The following F8 variants were observed in gnomAD, a reference collection of about 807,000 sequenced individuals.
F8 encodes the protein antihemophilic factor.
A neutral mutation model predicts 140.6 loss-of-function variants in F8; 12 were observed. The ratio of observed to expected loss-of-function variants is 0.09; its 90% CI spans 0.05 to 0.14. F8 has a LOEUF of 0.14. Among genes scored for constraint, F8 ranks in the 10% least tolerant of loss-of-function variants. The pLI, the probability that F8 is intolerant of heterozygous loss-of-function variation, is 1.00. For synonymous variants in F8, 585 were observed against 614.6 expected (o/e 0.95, Z 0.71); for missense variants, 1,354 against 1,720.7 (o/e 0.79, Z 3.77).
intron 14 of F8, among the ~76,000 whole-genome samples, chrX:154,923,374 G>A (rs1462238366): frequency 5.4e-5 from 6 of 111,563 alleles, no homozygotes; most frequent in Non-Finnish European, 7.5e-5. Flanking sequence ...AATCAACCCT[G>A]ACTATTTTTT....
chrX:154,926,338 C>T (rs1336762710), intron 14 of F8, among the ~76,000 whole-genome samples: 2 of 112,028 alleles, frequency 1.8e-5, no homozygotes, highest in African/African-American at 6.5e-5. Context: ...TGGAAAACTT[C>T]AAGATCTGTG....
At chrX:154,937,436 G>A (rs1422331508) in intron 13 of F8, among the ~76,000 whole-genome samples, 3 of 108,792 alleles carry the variant, frequency 2.8e-5, no homozygotes, top group Non-Finnish European at 3.8e-5. Context: ...GGGGAGGGGC[G>A]AGGGATATCA....
intron 6 of F8, among the ~76,000 whole-genome samples, chrX:154,970,638 A>G (rs1323322106): frequency 9.0e-6 from 1 of 111,126 alleles, no homozygotes; most frequent in Non-Finnish European, 1.9e-5. Flanking sequence ...TAAAGTCCAG[A>G]CTCTCTACTA....
In F8 at chrX:154,929,170, C is replaced by T. The variant is rs2073177401; in HGVS notation, c.4620G>A (p.Val1540=). The change falls in exon 14 of 26, where the codon GTG becomes GTA. Residue 1540 remains valine (V), a synonymous_variant. Coordinates refer to ENST00000360256, the MANE Select transcript of F8 (RefSeq NM_000132.4). Reference sequence around the variant, plus strand: ...CTGTTCCCTGAAGAAGGCTCCCTTCCACGAGATCCAGATGGCCAGGAGACC... The same window carrying T: ...CTGTTCCCTGAAGAAGGCTCCCTTCTACGAGATCCAGATGGCCAGGAGACC... ...SNGSPGHLDL[V]EGSLLQGTEG... is the part of the protein sequence containing the mutation. The T allele has an allele frequency of 8.3e-7, 1 of 1,209,762 alleles. No homozygotes were observed. The highest frequency in any genetic ancestry group is 1.1e-6 in the Non-Finnish European group (1 of 895,092).
intron 6 of F8, among the ~76,000 whole-genome samples, chrX:154,970,231 C>A (rs1218725521): frequency 5.4e-5 from 6 of 112,049 alleles, no homozygotes; most frequent in Non-Finnish European, 1.1e-4. Context: ...CATAACAACC[C>A]TATGAATGTA....
rs184965923 is a variant in F8, at chrX:154,992,135, C to T, written c.601+801G>A. Among the ~76,000 whole-genome samples, 310 of 111,891 alleles carry T rather than the reference C, an allele frequency of 2.8e-3. 1 individual carries two copies. The Middle Eastern group carries it at 0.06, about 22-fold the overall frequency. ...AAAGTCACCTTTGGGATGATTTCAG[C>T]TCTAGCCACTGTTTGACTACAGCCT... On this transcript the variant is annotated intron_variant, in intron 4 of 25. Coordinates refer to ENST00000360256, the MANE Select transcript of F8 (RefSeq NM_000132.4).
At chrX:154,902,779 A>G (rs369769420) in intron 18 of F8, among the ~76,000 whole-genome samples, 1 of 112,476 alleles carries the variant, frequency 8.9e-6, no homozygotes, top group African/African-American at 3.2e-5. Flanking sequence ...AAGCTAGTTT[A>G]CAACAATGGT....
At chrX:154,936,099 G>A (rs138068328) in intron 13 of F8, among the ~76,000 whole-genome samples, 134 of 109,054 alleles carry the variant, frequency 1.2e-3, no homozygotes, top group African/African-American at 4.3e-3. Context: ...AATGCAAATG[G>A]GAATTACAAC....
intron 22 of F8, among the ~76,000 whole-genome samples, chrX:154,879,368 T>C (rs28810103): frequency 0.55 from 60,835 of 110,527 alleles, 14,373 homozygotes; most frequent in African/African-American, 0.91. Flanking sequence ...ACCTCAAATA[T>C]GGATGGTTCC....
rs782035604 is a variant in F8, at chrX:154,961,061, G to A, written c.1537+14C>T. On this transcript the variant is annotated intron_variant, in intron 10 of 25. Transcript: ENST00000360256. ...TACAGGTAAAAAAGAGCTATAAATC[G>A]AGGGAATATTTACCTTTTGGTAATC... The A allele has an allele frequency of 7.4e-6, 8 of 1,084,649 alleles. No individual in the cohort carries two copies. The highest frequency in any genetic ancestry group is 3.0e-5 in the East Asian group (1 of 33,348). The allele number at this position is 1,084,649 out of a possible 1,213,427, so 89.4% of individuals were successfully genotyped here. A position where few individuals can be genotyped will look rare whatever the true frequency, so the allele number is the denominator to read the frequency against.
intron 22 of F8, among the ~76,000 whole-genome samples, chrX:154,885,976 G>GA (rs1569559427): frequency 9.8e-5 from 1 of 10,218 alleles, no homozygotes; most frequent in Non-Finnish European, 1.7e-4. Flanking sequence ...GGGGGGGGGG[G>GA]GGACAACAGT....
chrX:154,970,674 GA>G (rs1348555996), intron 6 of F8, among the ~76,000 whole-genome samples: 1 of 111,546 alleles, frequency 9.0e-6, no homozygotes, highest in East Asian at 2.8e-4. Context: ...CAATAGGTTT[GA>G]TTCCTAATAC....
At chrX:154,838,199 T>C (rs782430635) in intron 25 of F8, among the ~76,000 whole-genome samples, 1 of 112,343 alleles carries the variant, frequency 8.9e-6, no homozygotes, top group East Asian at 2.8e-4. Context: ...TGATAACGAA[T>C]GCAACACAGC....
intron 1 of F8, among the ~76,000 whole-genome samples, chrX:155,010,256 C>T (rs1289160706): frequency 8.9e-6 from 1 of 112,054 alleles, no homozygotes; most frequent in Non-Finnish European, 1.9e-5. Context: ...TTGTGTATTT[C>T]CTTTGGGATT....
In F8 at chrX:154,979,431, C is replaced by G. The variant is rs190660314; in HGVS notation, c.787+5256G>C. On this transcript the variant is annotated intron_variant, in intron 6 of 25. Transcript: ENST00000360256. ...GGTAGAGCTGGGCTACGTGAACCTGCCCTCAGGCTCCTTGGTGGTGTGTGA... is the reference window on the plus strand; with the variant it reads ...GGTAGAGCTGGGCTACGTGAACCTGGCCTCAGGCTCCTTGGTGGTGTGTGA... Among the ~76,000 whole-genome samples the G allele has an allele frequency of 5.9e-3, 656 of 111,066 alleles. 4 individuals are homozygous for G. The highest frequency in any genetic ancestry group is 9.8e-3 in the Non-Finnish European group (521 of 52,923).
At position 154,987,193 on chromosome X, in the gene F8, G is replaced by A. The variant is rs781903372; in HGVS notation, c.670+44C>T. The A allele has an allele frequency of 3.8e-5, 39 of 1,016,380 alleles. No individual in the cohort carries two copies. In the Middle Eastern group the frequency reaches 1.1e-3, roughly 27 times the overall value. 83.8% of individuals were successfully genotyped at this position (1,016,380 alleles called of 1,213,427 possible). On this transcript the variant is annotated intron_variant, in intron 5 of 25. Transcript: ENST00000360256. Reference sequence around the variant, plus strand: ...ATCACCTCCTCTTAATAGTAGCAGAGGATTTCTTTCAGGAATCCAAAATTC... The same window carrying A: ...ATCACCTCCTCTTAATAGTAGCAGAAGATTTCTTTCAGGAATCCAAAATTC...
intron 23 of F8, among the ~76,000 whole-genome samples, chrX:154,862,365 C>T (rs1557272926): frequency 9.0e-6 from 1 of 111,729 alleles, no homozygotes; most frequent in Non-Finnish European, 1.9e-5. Context: ...CAGCTCTTCC[C>T]ACTTTGTGTG....
chrX:154,873,431 T>C (rs2072790270), intron 22 of F8, among the ~76,000 whole-genome samples: 1 of 111,160 alleles, frequency 9.0e-6, no homozygotes, highest in Non-Finnish European at 1.9e-5. Context: ...TTTCACCATG[T>C]TGGCCAGGCT....
chrX:154,990,485 A>G (rs1296515725), intron 4 of F8, among the ~76,000 whole-genome samples: 1 of 111,830 alleles, frequency 8.9e-6, no homozygotes, highest in African/African-American at 3.3e-5. Context: ...TCCTCTTGTT[A>G]TGCTATGATT....
Sources: gnomAD v4.1 joint callset for allele counts (sites outside exome capture counted in the v4.1 genomes callset) on GRCh38, gnomAD v4.1.1 for gene constraint, MANE v1.5 for transcripts, NCBI Gene and HGNC (gene_info 2026-07-23, HGNC 2026-07-21) for gene names.